Variants in DENND1A observed in about 807,000 individuals in gnomAD.
DENND1A encodes DENN domain containing 1A.
In DENND1A, 51 loss-of-function variants were observed where a neutral mutation model predicts 113.7. The ratio of observed to expected loss-of-function variants is 0.45; its 90% CI spans 0.36 to 0.57. DENND1A has a LOEUF of 0.57. Among genes scored for constraint, DENND1A ranks in the 20% least tolerant of loss-of-function variants. The pLI is 0.00. For missense variants in DENND1A, 1,258 were observed against 1,395.9 expected (o/e 0.90, Z 1.57); for synonymous variants, 565 against 570.8 (o/e 0.99, Z 0.14).
At chr9:123,541,103 T>C (rs897969787) in intron 13 of DENND1A, among the ~76,000 whole-genome samples, 1 of 152,214 alleles carries the variant, frequency 6.6e-6, no homozygotes, top group Non-Finnish European at 1.5e-5. Flanking sequence ...GTAGAAGAGA[T>C]TTGAGGACTA....
intron 2 of DENND1A, among the ~76,000 whole-genome samples, chr9:123,796,790 C>CACACA (rs1408903894): frequency 6.6e-6 from 1 of 151,438 alleles, no homozygotes; most frequent in Admixed American, 6.6e-5. Flanking sequence ...CACACACACA[C>CACACA]ATCTTACCAA....
chr9:123,771,808 C>A (rs1168977452), intron 3 of DENND1A, among the ~76,000 whole-genome samples: 1 of 152,000 alleles, frequency 6.6e-6, no homozygotes, highest in Non-Finnish European at 1.5e-5. Context: ...AGTGTAACCA[C>A]CCACCAGCTT....
chr9:123,506,399 T>C (rs11792229), intron 13 of DENND1A, among the ~76,000 whole-genome samples: 2,717 of 151,986 alleles, frequency 0.018, 41 homozygotes, highest in Non-Finnish European at 0.03. Flanking sequence ...CTGGGCAACA[T>C]GGTGAAACCT....
chr9:123,580,001 G>C (rs1200562987), intron 12 of DENND1A, among the ~76,000 whole-genome samples: 2 of 152,144 alleles, frequency 1.3e-5, no homozygotes, highest in African/African-American at 4.8e-5. Context: ...GAGACTGTCA[G>C]GACATAGAGG....
At chr9:123,781,277 T>G (rs2131841933) in intron 3 of DENND1A, among the ~76,000 whole-genome samples, 1 of 152,298 alleles carries the variant, frequency 6.6e-6, no homozygotes, top group African/African-American at 2.4e-5. Flanking sequence ...CAGTGCTCCC[T>G]TTCAGTCTCA....
At chr9:123,705,593 G>A (rs2066144901) in intron 5 of DENND1A, among the ~76,000 whole-genome samples, 1 of 151,876 alleles carries the variant, frequency 6.6e-6, no homozygotes, top group African/African-American at 2.4e-5. Flanking sequence ...AGGTCCTTAG[G>A]GGAAAAAAAT....
chr9:123,686,997 C>T (rs889377173), intron 5 of DENND1A, among the ~76,000 whole-genome samples: 3 of 152,146 alleles, frequency 2.0e-5, no homozygotes, highest in African/African-American at 7.2e-5. Context: ...CCCATTTACG[C>T]TCTATGCTTC....
At chr9:123,526,263 T>C (rs750105138) in intron 13 of DENND1A, among the ~76,000 whole-genome samples, 1 of 152,038 alleles carries the variant, frequency 6.6e-6, no homozygotes, top group Non-Finnish European at 1.5e-5. Context: ...CTGGATCTGG[T>C]CTCTTCTGGC....
rs549569134 is a variant in DENND1A at position 123,792,263 on chromosome 9, T to G, written c.132+324A>C. 2.0e-5 allele frequency among the ~76,000 whole-genome samples: 3 copies of G among 152,340 alleles called. No individual in the cohort carries two copies. In the East Asian group the frequency reaches 5.8e-4, roughly 29 times the overall value. On this transcript the variant is annotated intron_variant, in intron 3 of 23. Coordinates refer to ENST00000394215, the MANE Select transcript of DENND1A (RefSeq NM_001352964.2). ...TTCTTGACTCCTGAAATAGCATTTT[T>G]TTAAAAAGTTCACAGGCAATGCAAA...
chr9:123,544,970 C>G (rs1158930439), intron 13 of DENND1A, among the ~76,000 whole-genome samples: 1 of 151,870 alleles, frequency 6.6e-6, no homozygotes, highest in Non-Finnish European at 1.5e-5. Context: ...TGGTGGCGGG[C>G]GCCTGTAGTC....
chr9:123,467,817 C>T (rs1263743356), intron 13 of DENND1A, among the ~76,000 whole-genome samples: 1 of 152,158 alleles, frequency 6.6e-6, no homozygotes, highest in East Asian at 1.9e-4. Context: ...ACACTCAAGG[C>T]TCTAAGTGAC....
chr9:123,855,595 C>T lies in DENND1A; in HGVS notation c.88+23356G>A, dbSNP rs550493678. On this transcript the variant is annotated intron_variant, in intron 2 of 23. Transcript: ENST00000394215. The stretch of plus-strand genomic sequence containing the variant: ...AAGTGATGAGGAGCCTTCTGTGCCA[C>T]GCTAAGATTTGAGTATTACCCTGTA... Among the ~76,000 whole-genome samples, 100 of 152,138 alleles carry T rather than the reference C, an allele frequency of 6.6e-4. 1 individual carries two copies. Among genetic ancestry groups the T allele is most frequent in the African/African-American group, 2.2e-3 (91 of 41,476 alleles).
rs552806027 is a variant in DENND1A at position 123,709,675 on chromosome 9, T to C, written c.303-32886A>G. ...CACCCTAACGTCTGCAGGGGCCAAT[T>C]TCAGCAGACATCATGTGCCTGCATT... On this transcript the variant is annotated intron_variant, in intron 5 of 23. Coordinates refer to ENST00000394215, the MANE Select transcript of DENND1A (RefSeq NM_001352964.2). 2.3e-3 allele frequency among the ~76,000 whole-genome samples: 343 copies of C among 152,312 alleles called. 1 individual carries two copies. The highest frequency in any genetic ancestry group is 0.021 in the South Asian group (100 of 4,828).
intron 1 of DENND1A, among the ~76,000 whole-genome samples, chr9:123,886,057 C>T (rs970938464): frequency 6.6e-6 from 1 of 152,180 alleles, no homozygotes; most frequent in Non-Finnish European, 1.5e-5. Flanking sequence ...GGATTACAGG[C>T]GTGAGCCACC....
intron 2 of DENND1A, among the ~76,000 whole-genome samples, chr9:123,821,860 T>G (rs1838533290): frequency 6.6e-6 from 1 of 152,210 alleles, no homozygotes; most frequent in Non-Finnish European, 1.5e-5. Flanking sequence ...CTCCCCTTGT[T>G]GCTATTATAA....
intron 19 of DENND1A, chr9:123,413,442 G>A: frequency 2.0e-6 from 2 of 985,412 alleles, no homozygotes; most frequent in Non-Finnish European, 2.4e-6. Context: ...TCTACTGAGT[G>A]GGAGTGACAC....
At chr9:123,845,749 TAAACAAAC>T (rs200824974) in intron 2 of DENND1A, among the ~76,000 whole-genome samples, 3 of 118,752 alleles carry the variant, frequency 2.5e-5, no homozygotes, top group African/African-American at 9.6e-5. Flanking sequence ...TAAAACCTAA[TAAACAAAC>T]AAACAAACAA....
At chr9:123,718,537 T>C (rs887812681) in intron 5 of DENND1A, among the ~76,000 whole-genome samples, 3 of 152,222 alleles carry the variant, frequency 2.0e-5, no homozygotes, top group Admixed American at 6.5e-5. Context: ...ATCCTTTCCA[T>C]ACTCAGTGAA....
At chr9:123,471,195 G>A (rs187466029) in intron 13 of DENND1A, among the ~76,000 whole-genome samples, 6 of 152,250 alleles carry the variant, frequency 3.9e-5, no homozygotes, top group Admixed American at 2.6e-4. Context: ...TGGGAGAGTC[G>A]GGAACAGTGA....
Sources: gnomAD v4.1 joint callset for allele counts (sites outside exome capture counted in the v4.1 genomes callset) on GRCh38, gnomAD v4.1.1 for gene constraint, MANE v1.5 for transcripts, NCBI Gene and HGNC (gene_info 2026-07-23, HGNC 2026-07-21) for gene names.